Variants in RLIM observed in about 807,000 individuals in gnomAD.
RLIM encodes the protein ring finger protein, LIM domain interacting.
A neutral mutation model predicts 34.0 loss-of-function variants in RLIM; 2 were observed. That is an observed-to-expected ratio of 0.06 (90% CI 0.02 to 0.19). RLIM has a LOEUF of 0.19. RLIM is among the 10% of genes least tolerant of loss of function. RLIM has a pLI of 1.00. For missense variants in RLIM, 286 were observed against 479.7 expected (o/e 0.60, Z 3.77); for synonymous variants, 169 against 164.0 (o/e 1.03, Z -0.23).
In RLIM at chrX:74,589,841, CAAG is replaced by C. The variant is rs1426813279; in HGVS notation, c.*1596_*1598del. On this transcript the variant is annotated 3_prime_UTR_variant, in exon 4 of 4. Transcript: ENST00000332687. ...AGCTAGTCTCAAAAAAGAAATTAGG[CAAG>C]AAGACTGGGGTTATCATGAAGTTAC... 1.8e-5 allele frequency: 2 copies of C among 111,904 alleles called. No homozygotes were observed. The highest frequency in any genetic ancestry group is 3.8e-5 in the Non-Finnish European group (2 of 53,162). The allele number at this position is 111,904 out of a possible 1,213,427, so 9.2% of individuals were successfully genotyped here.
chrX:74,593,668 T>C (rs774339849), intron 3 of RLIM, among the ~76,000 whole-genome samples: 1 of 112,770 alleles, frequency 8.9e-6, no homozygotes, highest in Non-Finnish European at 1.9e-5. Context: ...GAACCTTGCA[T>C]AGCACATATA....
At position 74,592,201 on chromosome X, in the gene RLIM, G is replaced by A. The variant is rs61754467; in HGVS notation, c.1114C>T (p.Arg372Trp). Residue 372 changes from arginine to tryptophan, a missense_variant, in exon 4 of 4, where the codon CGG becomes TGG. By Grantham distance (101) the Arg-to-Trp change is moderately radical. Around this residue, in one of 6 missense-constraint regions of RLIM, gnomAD observed 121 missense variants for 182.4 expected, o/e 0.66. Coordinates refer to ENST00000332687, the MANE Select transcript of RLIM (RefSeq NM_016120.4). Reference protein sequence around the residue: ...GFRRTFSRSERAGVRTYVSTI... With the variant: ...GFRRTFSRSEWAGVRTYVSTI... ...CTGACATAGGTTCTCACACCTGCCC[G>A]CTCAGAACGTGAAAATGTACGCCTA... 2 of 1,211,467 alleles carry A rather than the reference G, an allele frequency of 1.7e-6. No individual in the cohort carries two copies. The highest frequency in any genetic ancestry group is 1.1e-6 in the Non-Finnish European group (1 of 895,341).
chrX:74,585,673 A>G lies in RLIM; in HGVS notation c.*5767T>C, dbSNP rs185522461. The G allele has an allele frequency of 2.7e-5, 3 of 112,344 alleles. No homozygotes were observed. Among genetic ancestry groups the G allele is most frequent in the East Asian group, 5.6e-4 (2 of 3,581 alleles). The allele number at this position is 112,344 out of a possible 1,213,427, so 9.3% of individuals were successfully genotyped here. ...ACTTTTAGCAGTTGTAAAGCACTGTACAAAAGAAAACTGTGTACATTCTCA... is the reference window on the plus strand; with the variant it reads ...ACTTTTAGCAGTTGTAAAGCACTGTGCAAAAGAAAACTGTGTACATTCTCA... On this transcript the variant is annotated 3_prime_UTR_variant, in exon 4 of 4. Coordinates refer to ENST00000332687, the MANE Select transcript of RLIM (RefSeq NM_016120.4).
chrX:74,595,712 A>G (rs1193704487), intron 2 of RLIM, 97 bp downstream of exon 2: 3 of 584,707 alleles, frequency 5.1e-6, no homozygotes, highest in African/African-American at 4.7e-5. Flanking sequence ...ATAATATTTC[A>G]TAAGGGCTAA....
At position 74,591,382 on chromosome X, in the gene RLIM, A is replaced by G. The variant is rs1569309419; in HGVS notation, c.*58T>C. The G allele has an allele frequency of 1.0e-6, 1 of 973,640 alleles. No homozygotes were observed. The highest frequency in any genetic ancestry group is 3.1e-5 in the East Asian group (1 of 32,292). The allele number at this position is 973,640 out of a possible 1,213,427, so 80.2% of individuals were successfully genotyped here. A position where few individuals can be genotyped will look rare whatever the true frequency, so the allele number is the denominator to read the frequency against. ...CACTCAAAAAGTGGACATAAAAGCA[A>G]GTGATTCCTGTTTGCCCATCACTAT... is the stretch of plus-strand genomic sequence containing the variant. On this transcript the variant is annotated 3_prime_UTR_variant, in exon 4 of 4. Coordinates refer to ENST00000332687, the MANE Select transcript of RLIM (RefSeq NM_016120.4).
chrX:74,584,525 A>C lies in RLIM; in HGVS notation c.*6915T>G, dbSNP rs963627749. 2.7e-5 allele frequency among the ~76,000 whole-genome samples: 3 copies of C among 112,068 alleles called. No individual in the cohort carries two copies. Among genetic ancestry groups the C allele is most frequent in the African/African-American group, 9.7e-5 (3 of 30,834 alleles). On this transcript the variant is annotated 3_prime_UTR_variant, in exon 4 of 4. Coordinates refer to ENST00000332687, the MANE Select transcript of RLIM (RefSeq NM_016120.4). ...TGCTTTCTTATTTTTTAAAATGACC[A>C]TTAAGAGTTCAGTTTATAATCCACC...
intron 1 of RLIM, among the ~76,000 whole-genome samples, chrX:74,606,820 T>TA (rs756086151): frequency 9.0e-6 from 1 of 111,654 alleles, no homozygotes; most frequent in Admixed American, 9.6e-5. Context: ...AAACCAATTT[T>TA]AAAAAGTGAG....
At chrX:74,597,641 A>T (rs751240739) in intron 1 of RLIM, among the ~76,000 whole-genome samples, 14 of 112,383 alleles carry the variant, frequency 1.2e-4, no homozygotes, top group Non-Finnish European at 2.6e-4. Flanking sequence ...TACAAAGTTT[A>T]TGAAAATGTA....
chrX:74,604,637 C>A (rs1307930484), intron 1 of RLIM, among the ~76,000 whole-genome samples: 1 of 111,642 alleles, frequency 9.0e-6, no homozygotes, highest in Admixed American at 9.6e-5. Context: ...TCATTCTTGA[C>A]CTTTTAGAAT....
Position 74,584,820 on chromosome X carries a change from G to A in RLIM, c.*6620C>T, listed in dbSNP as rs1302504757. 9.0e-6 allele frequency among the ~76,000 whole-genome samples: 1 copy of A among 111,700 alleles called. No individual in the cohort carries two copies. The highest frequency in any genetic ancestry group is 1.9e-5 in the Non-Finnish European group (1 of 53,168). ...TTGTCTAGAGCACTAACTTTTTGAT[G>A]GTGGTATTGAGTTTCAAATAATAAA... is the stretch of plus-strand genomic sequence containing the variant. On this transcript the variant is annotated 3_prime_UTR_variant, in exon 4 of 4. Transcript: ENST00000332687.
At chrX:74,594,176 T>C (rs760056633) in intron 3 of RLIM, 130 bp downstream of exon 3, 465 of 393,643 alleles carry the variant, frequency 1.2e-3, no homozygotes, top group Non-Finnish European at 1.8e-3. Context: ...GTCAGTTTTC[T>C]TTTTATGAGC....
At chrX:74,595,640 T>C (rs1015311947) in intron 2 of RLIM, among the ~76,000 whole-genome samples, 169 bp downstream of exon 2, 1 of 112,061 alleles carries the variant, frequency 8.9e-6, no homozygotes, top group East Asian at 2.8e-4. Flanking sequence ...ATTCCAAACA[T>C]CAGTAAATAT....
chrX:74,606,705 C>T (rs1016573369), intron 1 of RLIM, among the ~76,000 whole-genome samples: 2 of 111,884 alleles, frequency 1.8e-5, no homozygotes, highest in Non-Finnish European at 3.8e-5. Context: ...GGACACACTA[C>T]ATTATAGTAC....
At chrX:74,608,770 G>A (rs1378192989) in intron 1 of RLIM, among the ~76,000 whole-genome samples, 2 of 112,262 alleles carry the variant, frequency 1.8e-5, no homozygotes, top group Non-Finnish European at 3.8e-5. Context: ...AAAACTGAAA[G>A]AGTGTTAAGA....
intron 1 of RLIM, among the ~76,000 whole-genome samples, chrX:74,597,742 C>A (rs2079645668): frequency 8.9e-6 from 1 of 111,981 alleles, no homozygotes; most frequent in African/African-American, 3.2e-5. Context: ...GAACCAGTAG[C>A]ACTAATGATA....
In RLIM at chrX:74,588,803, G is replaced by A. The variant is rs775255125; in HGVS notation, c.*2637C>T. 1.8e-5 allele frequency: 2 copies of A among 111,776 alleles called. No homozygotes were observed. The highest frequency in any genetic ancestry group is 6.5e-5 in the African/African-American group (2 of 30,845). 9.2% of individuals were successfully genotyped at this position (111,776 alleles called of 1,213,427 possible). Reference sequence around the variant, plus strand: ...AATGGTGTTTGGATGTGGGTGGGGGGAAAACGATTTTTGTTCTCCATTGTA... The same window carrying A: ...AATGGTGTTTGGATGTGGGTGGGGGAAAAACGATTTTTGTTCTCCATTGTA... On this transcript the variant is annotated 3_prime_UTR_variant, in exon 4 of 4. Transcript: ENST00000332687.
intron 1 of RLIM, among the ~76,000 whole-genome samples, chrX:74,610,247 T>A (rs1365137265): frequency 9.0e-6 from 1 of 111,179 alleles, no homozygotes; most frequent in Non-Finnish European, 1.9e-5. Flanking sequence ...TGAAACTCCA[T>A]CTCTAGTAAA....
At chrX:74,605,373 A>C (rs746816005) in intron 1 of RLIM, among the ~76,000 whole-genome samples, 38 of 112,397 alleles carry the variant, frequency 3.4e-4, no homozygotes, top group Non-Finnish European at 6.6e-4. Context: ...TAGGCATGCC[A>C]AAAATACCAG....
chrX:74,613,177 G>C (rs998774199), intron 1 of RLIM, among the ~76,000 whole-genome samples: 1 of 110,659 alleles, frequency 9.0e-6, no homozygotes, highest in Non-Finnish European at 1.9e-5. Flanking sequence ...GTACTTAATG[G>C]GGTGATAAGT....
Sources: allele counts gnomAD v4.1 joint callset (sites outside exome capture counted in the v4.1 genomes callset), GRCh38; gene constraint gnomAD v4.1.1; regional missense constraint gnomAD v4.1.1; transcripts MANE v1.5; gene names NCBI Gene and HGNC (gene_info 2026-07-23, HGNC 2026-07-21).